The following GALNT9 variants were observed in gnomAD, a reference collection of about 807,000 sequenced individuals.
GALNT9 encodes GalNAc transferase 9.
A neutral mutation model predicts 63.1 loss-of-function variants in GALNT9; 47 were observed. The ratio of observed to expected loss-of-function variants is 0.75; its 90% confidence interval spans 0.59 to 0.95. The LOEUF is 0.95. GALNT9 is among the 40% of genes least tolerant of loss of function. The probability of loss-of-function intolerance (pLI) is 0.00; values close to 1 mark genes in which losing one functional copy is unlikely to be tolerated. For missense variants in GALNT9, 829 were observed against 874.8 expected (o/e 0.95, Z 0.66); for synonymous variants, 396 against 365.7 (o/e 1.08, Z -0.94).
At position 132,282,066 on chromosome 12, in the gene GALNT9, A is replaced by C. The variant is rs1366504721; in HGVS notation, c.419+4184T>G. Among the ~76,000 whole-genome samples, 1 of 145,580 alleles carries C rather than the reference A, an allele frequency of 6.9e-6. No individual in the cohort carries two copies. The highest frequency in any genetic ancestry group is 2.7e-5 in the African/African-American group (1 of 37,354). On this transcript the variant is annotated intron_variant, in intron 2 of 10. Transcript: ENST00000328957. This position sits in a 1 kb window ranked among gnomAD's most constrained non-coding sequence, Gnocchi z 4.5. ...GAATCAGCTCCACTGCAGCAAGCCC[A>C]GGCCTGGGGGTCCCTGATCCCACAG...
intron 7 of GALNT9, among the ~76,000 whole-genome samples, chr12:132,202,670 G>A (rs1876253593): frequency 6.6e-6 from 1 of 152,120 alleles, no homozygotes; most frequent in African/African-American, 2.4e-5. Context: ...GGTTGATGCA[G>A]ACAAGCCCGT....
At chr12:132,224,944 C>CAA (rs1877591134) in intron 6 of GALNT9, among the ~76,000 whole-genome samples, 2 of 149,826 alleles carry the variant, frequency 1.3e-5, no homozygotes, top group African/African-American at 4.9e-5. Flanking sequence ...ACAACCCACA[C>CAA]CCCACACACT....
At chr12:132,199,298 CAG>C (rs1215297414) in intron 8 of GALNT9, 29 bp from the exon 9 acceptor site, 2 of 1,527,450 alleles carry the variant, frequency 1.3e-6, no homozygotes, top group African/African-American at 2.7e-5. Context: ...GGAGAAAGTC[CAG>C]AGTCACCCGA....
At chr12:132,239,359 GAGAGAGAGACACAC>G (rs1878134423) in intron 6 of GALNT9, among the ~76,000 whole-genome samples, 1 of 150,746 alleles carries the variant, frequency 6.6e-6, no homozygotes, top group Non-Finnish European at 1.5e-5. Flanking sequence ...GTCAGAGACA[GAGAGAGAGACACAC>G]AGAGACAGAG....
Position 132,201,281 on chromosome 12 carries a change from TGA to T in GALNT9, c.1264-22_1264-21del, listed in dbSNP as rs1876077215. ...TGGGTTCTGCAAGGCCAGAAGTAGG[TGA>T]GAGGGTACATGGGTGTCACCATGAC... On this transcript the variant is annotated intron_variant, in intron 7 of 10. Coordinates refer to ENST00000328957, the MANE Select transcript of GALNT9 (RefSeq NM_001122636.2). 1 of 1,593,590 alleles carries T rather than the reference TGA, an allele frequency of 6.3e-7. No homozygotes were observed. Among genetic ancestry groups the T allele is most frequent in the East Asian group, 2.2e-5 (1 of 44,720 alleles).
chr12:132,271,266 T>C (rs1490724234), intron 2 of GALNT9, among the ~76,000 whole-genome samples: 1 of 151,446 alleles, frequency 6.6e-6, no homozygotes, highest in East Asian at 2.0e-4. Flanking sequence ...CACCCGTCAC[T>C]GCCAGGGCTC....
At chr12:132,290,188 C>T (rs1880752659) in intron 1 of GALNT9, among the ~76,000 whole-genome samples, 4 of 152,098 alleles carry the variant, frequency 2.6e-5, no homozygotes, top group African/African-American at 4.8e-5. Context: ...AGGGCCCAAG[C>T]GATGATGTCC....
At chr12:132,256,724 G>A (rs1555239118) in intron 5 of GALNT9, among the ~76,000 whole-genome samples, 1 of 151,738 alleles carries the variant, frequency 6.6e-6, no homozygotes, top group East Asian at 1.9e-4. Context: ...CCTTCAGAAG[G>A]AGCTGCCGGT....
intron 3 of GALNT9, among the ~76,000 whole-genome samples, chr12:132,261,658 C>A (rs1180629991): frequency 6.6e-6 from 1 of 152,192 alleles, no homozygotes; most frequent in Non-Finnish European, 1.5e-5. Flanking sequence ...GGCTAGGGCA[C>A]TGCTGCAGGC....
intron 6 of GALNT9, among the ~76,000 whole-genome samples, chr12:132,215,862 A>G (rs1877161305): frequency 6.7e-6 from 1 of 150,070 alleles, no homozygotes; most frequent in African/African-American, 2.5e-5. Context: ...CAGGGGATGG[A>G]GAGGGGGTGA....
chr12:132,236,960 A>G lies in GALNT9; in HGVS notation c.1077+10950T>C, dbSNP rs1450299167. Among the ~76,000 whole-genome samples the G allele has an allele frequency of 6.6e-6, 1 of 152,082 alleles. No homozygotes were observed. The highest frequency in any genetic ancestry group is 2.4e-5 in the African/African-American group (1 of 41,396). ...AGGCCCCACAGCTGTTCTTATCCTC[A>G]TCCAATCTGGTAACCCTCGTATCCT... On this transcript the variant is annotated intron_variant, in intron 6 of 10. Coordinates refer to ENST00000328957, the MANE Select transcript of GALNT9 (RefSeq NM_001122636.2). This position sits in a 1 kb window ranked among gnomAD's most constrained non-coding sequence, Gnocchi z 5.6.
chr12:132,219,963 C>T (rs1204759902), intron 6 of GALNT9, among the ~76,000 whole-genome samples: 3 of 152,206 alleles, frequency 2.0e-5, no homozygotes, highest in Non-Finnish European at 2.9e-5. Flanking sequence ...GAAGGGGCAC[C>T]TCCCCAGGGC....
In GALNT9 at chr12:132,296,689, A is replaced by G. The variant is rs957595385; in HGVS notation, c.239-10259T>C. 1.6e-4 allele frequency among the ~76,000 whole-genome samples: 25 copies of G among 152,182 alleles called. No individual in the cohort carries two copies. The highest frequency in any genetic ancestry group is 6.0e-4 in the African/African-American group (25 of 41,432). ...CTGTCACACACCAACTTTCAGCACCATTCCTCAAATGTGGCAATTCACAAG... is the reference window on the plus strand; with the variant it reads ...CTGTCACACACCAACTTTCAGCACCGTTCCTCAAATGTGGCAATTCACAAG... On this transcript the variant is annotated intron_variant, in intron 1 of 10. Coordinates refer to ENST00000328957, the MANE Select transcript of GALNT9 (RefSeq NM_001122636.2). This position sits in a 1 kb window ranked among gnomAD's most constrained non-coding sequence, Gnocchi z 4.2.
At chr12:132,200,254 C>T (rs1875926461) in intron 8 of GALNT9, among the ~76,000 whole-genome samples, 2 of 152,192 alleles carry the variant, frequency 1.3e-5, no homozygotes, top group Admixed American at 1.3e-4. Flanking sequence ...GGCTGGGACG[C>T]TCGAGTCTCA....
chr12:132,259,251 T>C (rs950986672), intron 4 of GALNT9, among the ~76,000 whole-genome samples: 8 of 152,166 alleles, frequency 5.3e-5, no homozygotes, highest in African/African-American at 2.4e-5. Context: ...TTTGGACCGG[T>C]TTAAAATTGC....
At position 132,252,366 on chromosome 12, in the gene GALNT9, G is replaced by A. The variant is rs1878954246; in HGVS notation, c.960-4339C>T. Among the ~76,000 whole-genome samples, 1 of 152,338 alleles carries A rather than the reference G, an allele frequency of 6.6e-6. No individual in the cohort carries two copies. The highest frequency in any genetic ancestry group is 3.4e-3 in the Middle Eastern group (1 of 294). ...GCGGACGCCGACACTGACATTTAATGTTATTTAAAAACTGTTTCTGAGAAG... is the reference window on the plus strand; with the variant it reads ...GCGGACGCCGACACTGACATTTAATATTATTTAAAAACTGTTTCTGAGAAG... On this transcript the variant is annotated intron_variant, in intron 5 of 10. Transcript: ENST00000328957. The surrounding 1 kb of genome is among the most constrained non-coding windows in gnomAD (Gnocchi z 5.2).
intron 6 of GALNT9, among the ~76,000 whole-genome samples, chr12:132,244,843 G>C (rs1195637531): frequency 6.6e-6 from 1 of 151,014 alleles, no homozygotes; most frequent in Non-Finnish European, 1.5e-5. Flanking sequence ...CGTGGTGATG[G>C]GGACAGGTGA....
intron 6 of GALNT9, among the ~76,000 whole-genome samples, chr12:132,241,002 C>A (rs1878294142): frequency 7.1e-6 from 1 of 141,118 alleles, no homozygotes; most frequent in African/African-American, 2.7e-5. Flanking sequence ...CTTCCCGGGG[C>A]CCTCCCTATA....
chr12:132,280,146 G>C (rs1227689693), intron 2 of GALNT9: 1 of 152,288 alleles, frequency 6.6e-6, no homozygotes, highest in African/African-American at 2.4e-5. Flanking sequence ...GCAGGGGCTG[G>C]ACTATCCCCT....
Sources: allele counts gnomAD v4.1 joint callset (sites outside exome capture counted in the v4.1 genomes callset), GRCh38; gene constraint gnomAD v4.1.1; non-coding constraint Gnocchi (gnomAD v3.1); transcripts MANE v1.5; gene names NCBI Gene and HGNC (gene_info 2026-07-23, HGNC 2026-07-21).